The following CADPS variants were observed in gnomAD, a reference collection of about 807,000 sequenced individuals.
CADPS encodes the protein calcium dependent secretion activator.
CADPS carries 57 observed loss-of-function variants against 167.3 expected under a neutral mutation model. That is an observed-to-expected ratio of 0.34 (90% CI 0.28 to 0.42). The LOEUF is 0.42. CADPS is among the 20% of genes least tolerant of loss of function. CADPS has a pLI of 1.00. For missense variants in CADPS, 1,414 were observed against 1,738.1 expected, an observed-to-expected ratio of 0.81 and a Z score of 3.32; for synonymous variants, 676 against 635.3, an observed-to-expected ratio of 1.06 and a Z score of -0.96.
chr3:62,853,279 T>C (rs554349772), intron 1 of CADPS, among the ~76,000 whole-genome samples: 11 of 152,286 alleles, frequency 7.2e-5, no homozygotes, highest in African/African-American at 1.4e-4. Context: ...TTTAATCACA[T>C]TGTTTTCAGT....
Position 62,687,547 on chromosome 3 carries a change from G to A in CADPS, c.889-25153C>T, listed in dbSNP as rs957076416. ...TAAATAATCAGAAAGGGAAGGTTGT[G>A]AGACCCCAGGGTACCAGGGACTTAG... On this transcript the variant is annotated intron_variant, in intron 3 of 29. Coordinates refer to ENST00000383710, the MANE Select transcript of CADPS (RefSeq NM_003716.4). Among the ~76,000 whole-genome samples, 82 of 151,980 alleles carry A rather than the reference G, an allele frequency of 5.4e-4. 1 individual carries two copies. Among genetic ancestry groups the A allele is most frequent in the African/African-American group, 1.9e-3 (79 of 41,356 alleles).
chr3:62,454,448 A>G (rs1017163320), intron 26 of CADPS, among the ~76,000 whole-genome samples: 1 of 152,174 alleles, frequency 6.6e-6, no homozygotes, highest in African/African-American at 2.4e-5. Flanking sequence ...CACACAGTCA[A>G]GAAGTAGCAG....
chr3:62,483,403 T>G (rs917697637), intron 21 of CADPS, among the ~76,000 whole-genome samples: 4 of 151,666 alleles, frequency 2.6e-5, no homozygotes, highest in African/African-American at 9.7e-5. Flanking sequence ...TGCCTTCTGC[T>G]AAGTCAGAAA....
intron 10 of CADPS, among the ~76,000 whole-genome samples, chr3:62,550,532 T>G (rs779437452): frequency 6.6e-6 from 1 of 152,162 alleles, no homozygotes; most frequent in Non-Finnish European, 1.5e-5. Flanking sequence ...GCTTTTCCAA[T>G]TTTAGTACCC....
chr3:62,491,272 C>T, intron 21 of CADPS, 67 bp downstream of exon 21: 2 of 1,475,350 alleles, frequency 1.4e-6, no homozygotes, highest in Non-Finnish European at 1.9e-6. Flanking sequence ...CATCATTAAT[C>T]CATTTCTGTA....
Position 62,465,492 on chromosome 3 carries a change from A to G in CADPS, c.3553-42T>C, listed in dbSNP as rs762889047. The G allele has an allele frequency of 1.4e-5, 19 of 1,386,200 alleles. No individual in the cohort carries two copies. In the African/African-American group the frequency reaches 2.3e-4, roughly 17 times the overall value. The allele number at this position is 1,386,200 out of a possible 1,614,324, so 85.9% of individuals were successfully genotyped here. A position where few individuals can be genotyped will look rare whatever the true frequency, so the allele number is the denominator to read the frequency against. ...AAAGAAAAAAATGTTATTTCAAACT[A>G]TAATTGTTCACCATAAAGCACATCA... On this transcript the variant is annotated intron_variant, in intron 25 of 29. Coordinates refer to ENST00000383710, the MANE Select transcript of CADPS (RefSeq NM_003716.4). The surrounding 1 kb of genome is among the most constrained non-coding windows in gnomAD (Gnocchi z 4.1).
chr3:62,799,534 T>C (rs967304774), intron 1 of CADPS, among the ~76,000 whole-genome samples: 1 of 152,172 alleles, frequency 6.6e-6, no homozygotes, highest in Admixed American at 6.5e-5. Context: ...ATACATTTTG[T>C]CAAGCAGCAA....
At chr3:62,705,055 A>T (rs746134794) in intron 3 of CADPS, among the ~76,000 whole-genome samples, 1 of 152,152 alleles carries the variant, frequency 6.6e-6, no homozygotes, top group Admixed American at 6.5e-5. Flanking sequence ...CCTTAAAAGT[A>T]ACCTGGGTTA....
chr3:62,611,340 A>G (rs1287307178), intron 6 of CADPS, among the ~76,000 whole-genome samples: 12 of 152,202 alleles, frequency 7.9e-5, no homozygotes, highest in South Asian at 2.1e-4. Context: ...AAATGTAGGT[A>G]GAATCTGACC....
intron 1 of CADPS, among the ~76,000 whole-genome samples, chr3:62,846,189 T>G (rs371482870): frequency 1.3e-4 from 20 of 152,132 alleles, no homozygotes; most frequent in African/African-American, 4.8e-4. Context: ...CGTGGAACTG[T>G]GAGTCACTTC....
At chr3:62,629,358 G>A (rs2064807752) in intron 6 of CADPS, among the ~76,000 whole-genome samples, 1 of 152,096 alleles carries the variant, frequency 6.6e-6, no homozygotes, top group Admixed American at 6.5e-5. Context: ...CCTTATAAAT[G>A]GAATCAGATA....
chr3:62,438,266 GT>G lies in CADPS; in HGVS notation c.3670-56del. 7.6e-7 allele frequency: 1 copy of G among 1,309,880 alleles called. No individual in the cohort carries two copies. Among genetic ancestry groups the G allele is most frequent in the Non-Finnish European group, 1.1e-6 (1 of 905,656 alleles). The allele number at this position is 1,309,880 out of a possible 1,614,324, so 81.1% of individuals were successfully genotyped here. A position where few individuals can be genotyped will look rare whatever the true frequency, so the allele number is the denominator to read the frequency against. On this transcript the variant is annotated intron_variant, in intron 27 of 29. Coordinates refer to ENST00000383710, the MANE Select transcript of CADPS (RefSeq NM_003716.4). The surrounding 1 kb of genome is among the most constrained non-coding windows in gnomAD (Gnocchi z 4.7). ...AATTTTCAGACAGCCACTCTTCCTT[GT>G]TTACCATTCACTTGTACCCTCTACT...
At position 62,728,119 on chromosome 3, in the gene CADPS, G is replaced by A. The variant is rs959920101; in HGVS notation, c.888+25322C>T. On this transcript the variant is annotated intron_variant, in intron 3 of 29. Transcript: ENST00000383710. Reference sequence around the variant, plus strand: ...CGAAGTCGCTGTCCCAGGTCAAACAGCTAATATTTAGGCTGCTGCAAAAGT... The same window carrying A: ...CGAAGTCGCTGTCCCAGGTCAAACAACTAATATTTAGGCTGCTGCAAAAGT... Among the ~76,000 whole-genome samples, 12 of 151,772 alleles carry A rather than the reference G, an allele frequency of 7.9e-5. 1 individual carries two copies. The highest frequency in any genetic ancestry group is 2.7e-4 in the African/African-American group (11 of 41,128).
intron 6 of CADPS, among the ~76,000 whole-genome samples, chr3:62,614,741 G>A (rs910567673): frequency 6.6e-6 from 1 of 152,104 alleles, no homozygotes; most frequent in African/African-American, 2.4e-5. Flanking sequence ...TTTTGAAGCT[G>A]GAACTCTGGA....
At chr3:62,873,734 T>C (rs1185940388) in intron 1 of CADPS, among the ~76,000 whole-genome samples, 3 of 151,920 alleles carry the variant, frequency 2.0e-5, no homozygotes, top group Admixed American at 6.6e-5. Context: ...AGCTGTACTT[T>C]ATCAAGGCAG....
intron 2 of CADPS, among the ~76,000 whole-genome samples, chr3:62,760,415 A>G (rs2085111609): frequency 6.6e-6 from 1 of 152,106 alleles, no homozygotes. Flanking sequence ...ATTTATTTAG[A>G]GACAGGGTCT....
At chr3:62,856,730 G>C (rs73097468) in intron 1 of CADPS, among the ~76,000 whole-genome samples, 5 of 151,772 alleles carry the variant, frequency 3.3e-5, no homozygotes, top group African/African-American at 1.2e-4. Flanking sequence ...TTTGACATTT[G>C]CATTATGCAT....
At position 62,688,445 on chromosome 3, in the gene CADPS, T is replaced by C. The variant is rs548446122; in HGVS notation, c.889-26051A>G. ...GTCAATAAGTAGGAGATGTTGTTAC[T>C]GTTTTGCTATTACTACCCAGGTCAT... On this transcript the variant is annotated intron_variant, in intron 3 of 29. Transcript: ENST00000383710. Among the ~76,000 whole-genome samples the C allele has an allele frequency of 7.9e-5, 12 of 152,190 alleles. No individual in the cohort carries two copies. The South Asian group carries it at 1.0e-3, about 13-fold the overall frequency.
At chr3:62,628,175 A>G (rs1207154313) in intron 6 of CADPS, among the ~76,000 whole-genome samples, 1 of 152,220 alleles carries the variant, frequency 6.6e-6, no homozygotes, top group Non-Finnish European at 1.5e-5. Context: ...TGACACGTGC[A>G]GAGGAGTAAG....
Sources: allele counts gnomAD v4.1 joint callset (sites outside exome capture counted in the v4.1 genomes callset), GRCh38; gene constraint gnomAD v4.1.1; non-coding constraint Gnocchi (gnomAD v3.1); transcripts MANE v1.5; gene names NCBI Gene and HGNC (gene_info 2026-07-23, HGNC 2026-07-21).